The following GNAL variants were observed in gnomAD, a reference collection of about 807,000 sequenced individuals.
GNAL encodes guanine nucleotide-binding protein G(olf) subunit alpha.
Under a neutral mutation model 55.1 loss-of-function variants are expected in GNAL, and 18 were observed. The ratio of observed to expected loss-of-function variants is 0.33; its 90% CI spans 0.23 to 0.48. GNAL has a LOEUF of 0.48. Ranked by LOEUF, GNAL falls within the 20% of genes least tolerant of loss-of-function variation. The pLI is 0.99. For missense variants in GNAL, 412 were observed against 614.1 expected, an observed-to-expected ratio of 0.67 and a Z score of 3.48; for synonymous variants, 253 against 237.0, an observed-to-expected ratio of 1.07 and a Z score of -0.62.
chr18:11,689,710 C>T lies in GNAL; in HGVS notation c.147C>T (p.Ala49=). Residue 49 remains alanine (A), a synonymous_variant, in exon 1 of 12, where the codon GCC becomes GCT. Transcript: ENST00000334049. ...TCCGGGCGGCCGCAAGGGACACGGC[C>T]CGGACCCTGCTCCCTCGGGGCGGCG... ...APVRAAARDT[A]RTLLPRGGEG... 6.7e-7 allele frequency: 1 copy of T among 1,494,842 alleles called. No individual in the cohort carries two copies. The highest frequency in any genetic ancestry group is 8.9e-7 in the Non-Finnish European group (1 of 1,127,540). 92.6% of individuals were successfully genotyped at this position (1,494,842 alleles called of 1,614,324 possible).
intron 5 of GNAL, among the ~76,000 whole-genome samples, chr18:11,859,796 A>T (rs1434771165): frequency 6.6e-6 from 1 of 150,676 alleles, no homozygotes; most frequent in Non-Finnish European, 1.5e-5. Flanking sequence ...CCCAGGCTGG[A>T]GTGCAGTGGT....
chr18:11,704,392 A>G (rs986576173), intron 1 of GNAL, among the ~76,000 whole-genome samples: 1 of 152,230 alleles, frequency 6.6e-6, no homozygotes, highest in Non-Finnish European at 1.5e-5. Flanking sequence ...TGGCTTCACT[A>G]TGCCCTGAGC....
intron 1 of GNAL, among the ~76,000 whole-genome samples, chr18:11,723,388 A>C (rs1009338446): frequency 1.3e-5 from 2 of 152,232 alleles, no homozygotes; most frequent in African/African-American, 4.8e-5. Context: ...TTCTTAGCTC[A>C]TACAAAAACA....
At chr18:11,735,212 G>T (rs553725797) in intron 1 of GNAL, among the ~76,000 whole-genome samples, 6 of 151,568 alleles carry the variant, frequency 4.0e-5, no homozygotes, top group African/African-American at 1.2e-4. Context: ...CACCACACCC[G>T]TCTAATTTTT....
At chr18:11,799,692 T>C (rs2034473403) in intron 4 of GNAL, among the ~76,000 whole-genome samples, 1 of 152,178 alleles carries the variant, frequency 6.6e-6, no homozygotes, top group African/African-American at 2.4e-5. Flanking sequence ...AAAAATCCAA[T>C]ATATGAAATA....
chr18:11,828,668 A>AT lies in GNAL; in HGVS notation c.722+3653_722+3654insT, dbSNP rs570723890. On this transcript the variant is annotated intron_variant, in intron 5 of 11. Transcript: ENST00000334049. The stretch of plus-strand genomic sequence containing the variant: ...TTAGAAATTTTTCTGTTGTAAAAAA[A>AT]AAAAATGGACAAGTTATTCCTGCAT... Among the ~76,000 whole-genome samples the AT allele has an allele frequency of 3.0e-3, 454 of 152,228 alleles. 3 individuals carry two copies. The highest frequency in any genetic ancestry group is 0.011 in the African/African-American group (442 of 41,522).
chr18:11,826,701 C>T (rs2035255940), intron 5 of GNAL, among the ~76,000 whole-genome samples: 1 of 152,232 alleles, frequency 6.6e-6, no homozygotes, highest in African/African-American at 2.4e-5. Flanking sequence ...GGGTGAACCA[C>T]GGTGCCATTT....
In GNAL at chr18:11,842,616, A is replaced by C. The variant is rs149967267; in HGVS notation, c.722+17601A>C. 3.8e-3 allele frequency among the ~76,000 whole-genome samples: 574 copies of C among 152,156 alleles called. 11 individuals are homozygous for C. The highest frequency in any genetic ancestry group is 0.032 in the Admixed American group (494 of 15,266). On this transcript the variant is annotated intron_variant, in intron 5 of 11. Coordinates refer to ENST00000334049, the MANE Select transcript of GNAL (RefSeq NM_182978.4). ...GGAGCATGCAACCTAGATCCCTCAC[A>C]TGCAAAGTTTACAATAGGGTTCGTG...
At chr18:11,800,563 C>T (rs1024166901) in intron 4 of GNAL, among the ~76,000 whole-genome samples, 19 of 152,132 alleles carry the variant, frequency 1.2e-4, no homozygotes, top group African/African-American at 3.4e-4. Context: ...CAGAAGCCCA[C>T]GGAATGAAAG....
intron 11 of GNAL, among the ~76,000 whole-genome samples, chr18:11,877,992 T>C (rs539914926): frequency 6.6e-6 from 1 of 152,368 alleles, no homozygotes; most frequent in South Asian, 2.1e-4. Flanking sequence ...TTAATGTGCA[T>C]TGCAAATCTC....
intron 5 of GNAL, among the ~76,000 whole-genome samples, chr18:11,846,980 T>TAC (rs929452107): frequency 4.6e-5 from 7 of 151,734 alleles, no homozygotes; most frequent in African/African-American, 1.5e-4. Flanking sequence ...AATATATATA[T>TAC]ACATACATTT....
At chr18:11,753,602 C>G in intron 2 of GNAL, 26 bp from the exon 3 acceptor site, 1 of 1,423,206 alleles carries the variant, frequency 7.0e-7, no homozygotes, top group Non-Finnish European at 9.9e-7. Flanking sequence ...GTAAATTAAG[C>G]TAATAACAAC....
intron 1 of GNAL, among the ~76,000 whole-genome samples, chr18:11,730,350 G>A (rs1451591566): frequency 6.6e-6 from 1 of 151,762 alleles, no homozygotes. Flanking sequence ...GTAGAGATGG[G>A]GGTTTCCCCA....
chr18:11,873,655 A>G (rs528630571), intron 10 of GNAL, among the ~76,000 whole-genome samples: 3 of 152,222 alleles, frequency 2.0e-5, no homozygotes, highest in East Asian at 3.9e-4. Context: ...GCCTTGCTCT[A>G]CCCGCAGCCT....
chr18:11,731,812 C>T, intron 1 of GNAL, among the ~76,000 whole-genome samples: 1 of 152,186 alleles, frequency 6.6e-6, no homozygotes, highest in East Asian at 1.9e-4. Context: ...CATCATTCTG[C>T]AAAGAAGCCC....
chr18:11,850,895 C>T (rs2035841424), intron 5 of GNAL, among the ~76,000 whole-genome samples: 1 of 152,182 alleles, frequency 6.6e-6, no homozygotes, highest in Admixed American at 6.5e-5. Flanking sequence ...AAGATGGAGA[C>T]GCGTCAATGA....
intron 4 of GNAL, among the ~76,000 whole-genome samples, chr18:11,795,397 A>G (rs553757925): frequency 6.6e-6 from 1 of 152,100 alleles, no homozygotes; most frequent in East Asian, 1.9e-4. Flanking sequence ...TCTCAAAAAA[A>G]AAAAAAAAAA....
intron 5 of GNAL, chr18:11,852,801 C>A (rs544967754): frequency 6.0e-5 from 10 of 166,888 alleles, no homozygotes; most frequent in African/African-American, 2.4e-4. Context: ...GGAAAAATGC[C>A]GAATAACTTC....
chr18:11,695,512 C>T (rs2031379116), intron 1 of GNAL, among the ~76,000 whole-genome samples: 1 of 152,198 alleles, frequency 6.6e-6, no homozygotes, highest in African/African-American at 2.4e-5. Flanking sequence ...CACCATTCTT[C>T]AGGTGAATTT....
Sources: gnomAD v4.1 joint callset for allele counts (sites outside exome capture counted in the v4.1 genomes callset) on GRCh38, gnomAD v4.1.1 for gene constraint, MANE v1.5 for transcripts, NCBI Gene and HGNC (gene_info 2026-07-23, HGNC 2026-07-21) for gene names.